Variants in PARD3B observed in about 807,000 individuals in gnomAD.
The protein encoded by PARD3B is partitioning defective 3 homolog B.
Under a neutral mutation model 130.2 loss-of-function variants are expected in PARD3B, and 103 were observed. The observed-to-expected ratio is 0.79, with a 90% CI of 0.67 to 0.93. The LOEUF (loss-of-function observed/expected upper bound fraction) is 0.93. Among genes scored for constraint, PARD3B ranks in the 40% least tolerant of loss-of-function variants. The probability of loss-of-function intolerance (pLI) is 0.00; values close to 1 mark genes in which losing one functional copy is unlikely to be tolerated. For missense variants in PARD3B, 1,609 were observed against 1,499.2 expected (o/e 1.07, Z -1.21); for synonymous variants, 583 against 553.2 (o/e 1.05, Z -0.76).
At chr2:204,728,369 T>C (rs556471682) in intron 2 of PARD3B, among the ~76,000 whole-genome samples, 1 of 152,186 alleles carries the variant, frequency 6.6e-6, no homozygotes, top group East Asian at 1.9e-4. Context: ...ATGGTGTGGA[T>C]CATGCTCAAT....
At chr2:204,868,368 G>C (rs1217092217) in intron 2 of PARD3B, among the ~76,000 whole-genome samples, 1 of 152,152 alleles carries the variant, frequency 6.6e-6, no homozygotes, top group African/African-American at 2.4e-5. Context: ...ATTAAGGACT[G>C]ATTCATAAAG....
chr2:204,729,517 G>T (rs759809670), intron 2 of PARD3B, among the ~76,000 whole-genome samples: 22 of 152,104 alleles, frequency 1.4e-4, no homozygotes, highest in Non-Finnish European at 2.4e-4. Context: ...GTGTTTTTCA[G>T]TATAATCTTG....
At chr2:204,984,848 G>A (rs1031928698) in intron 3 of PARD3B, among the ~76,000 whole-genome samples, 5 of 152,106 alleles carry the variant, frequency 3.3e-5, no homozygotes, top group Non-Finnish European at 7.3e-5. Context: ...CAGAAGGAAT[G>A]TGAAGCAGTC....
At chr2:205,028,763 A>G (rs561893348) in intron 3 of PARD3B, among the ~76,000 whole-genome samples, 6 of 152,314 alleles carry the variant, frequency 3.9e-5, no homozygotes, top group Admixed American at 2.0e-4. Context: ...GATCTTTTAC[A>G]TAGAAAACCC....
At position 205,301,362 on chromosome 2, in the gene PARD3B, G is replaced by A. The variant is rs2041990459; in HGVS notation, c.2393-102G>A. 2 of 1,517,278 alleles carry A rather than the reference G, an allele frequency of 1.3e-6. No individual in the cohort carries two copies. Among genetic ancestry groups the A allele is most frequent in the Non-Finnish European group, 1.8e-6 (2 of 1,136,064 alleles). The allele number at this position is 1,517,278 out of a possible 1,614,324, so 94.0% of individuals were successfully genotyped here. On this transcript the variant is annotated intron_variant, in intron 17 of 22. Transcript: ENST00000406610. The surrounding 1 kb of genome is among the most constrained non-coding windows in gnomAD (Gnocchi z 5.2). ...CCACATAGAAGGGTAGAACTACAGA[G>A]TGCTGTTATTCATTCTTTTGCATTT...
intron 2 of PARD3B, among the ~76,000 whole-genome samples, chr2:204,870,499 G>T (rs971744694): frequency 6.6e-6 from 1 of 152,094 alleles, no homozygotes; most frequent in Non-Finnish European, 1.5e-5. Context: ...GAAATAGGTG[G>T]TCATGTCTCT....
chr2:205,226,855 A>G (rs756300349), intron 15 of PARD3B, among the ~76,000 whole-genome samples: 2 of 152,122 alleles, frequency 1.3e-5, no homozygotes, highest in Non-Finnish European at 2.9e-5. Context: ...CTTTTGTGAT[A>G]TGACATAGAT....
intron 21 of PARD3B, among the ~76,000 whole-genome samples, chr2:205,546,930 A>G (rs1260762292): frequency 6.6e-6 from 1 of 152,212 alleles, no homozygotes; most frequent in Non-Finnish European, 1.5e-5. Flanking sequence ...AAACAGCTCT[A>G]TATGCCATTA....
chr2:205,577,253 G>C (rs1488440993), intron 22 of PARD3B, among the ~76,000 whole-genome samples: 1 of 151,122 alleles, frequency 6.6e-6, no homozygotes, highest in Non-Finnish European at 1.5e-5. Context: ...AATGAAGACA[G>C]TTTTTTTTTC....
chr2:205,605,781 A>G (rs1435402959), intron 22 of PARD3B, among the ~76,000 whole-genome samples: 3 of 151,808 alleles, frequency 2.0e-5, no homozygotes, highest in African/African-American at 7.3e-5. Context: ...TGGCGAAGGG[A>G]GTGTGCTGCA....
rs975828841 is a variant in PARD3B at position 205,592,242 on chromosome 2, A to G, written c.3261-23214A>G. 1.3e-5 allele frequency among the ~76,000 whole-genome samples: 2 copies of G among 152,208 alleles called. No individual in the cohort carries two copies. Among genetic ancestry groups the G allele is most frequent in the African/African-American group, 4.8e-5 (2 of 41,460 alleles). On this transcript the variant is annotated intron_variant, in intron 22 of 22. Coordinates refer to ENST00000406610, the MANE Select transcript of PARD3B (RefSeq NM_001302769.2). This position sits in a 1 kb window ranked among gnomAD's most constrained non-coding sequence, Gnocchi z 4.5. Reference sequence around the variant, plus strand: ...TCAGAGCCCAGTGCTCTTGTTTACTATAGTGGGCTGAGCGTAACATCAAGG... The same window carrying G: ...TCAGAGCCCAGTGCTCTTGTTTACTGTAGTGGGCTGAGCGTAACATCAAGG...
intron 1 of PARD3B, among the ~76,000 whole-genome samples, chr2:204,670,473 A>C (rs766835348): frequency 2.7e-4 from 41 of 152,260 alleles, no homozygotes; most frequent in Middle Eastern, 6.8e-3. Flanking sequence ...TCTAAACCCC[A>C]CAGGTTTTTT....
rs1365937415 is a variant in PARD3B, at chr2:205,276,895, G to A, written c.2186-23635G>A. Reference sequence around the variant, plus strand: ...CAGCTTATTTAGCTTTAAATGATGGGTAATAATAATATCCACCTCACAGGT... The same window carrying A: ...CAGCTTATTTAGCTTTAAATGATGGATAATAATAATATCCACCTCACAGGT... On this transcript the variant is annotated intron_variant, in intron 16 of 22. Coordinates refer to ENST00000406610, the MANE Select transcript of PARD3B (RefSeq NM_001302769.2). This position sits in a 1 kb window ranked among gnomAD's most constrained non-coding sequence, Gnocchi z 5.0. 6.6e-6 allele frequency among the ~76,000 whole-genome samples: 1 copy of A among 152,198 alleles called. No individual in the cohort carries two copies. The highest frequency in any genetic ancestry group is 1.5e-5 in the Non-Finnish European group (1 of 68,032).
intron 2 of PARD3B, among the ~76,000 whole-genome samples, chr2:204,721,804 A>T (rs2039009564): frequency 6.6e-6 from 1 of 152,008 alleles, no homozygotes; most frequent in South Asian, 2.1e-4. Context: ...TTTTTGGGTG[A>T]TACTTGTAGA....
intron 1 of PARD3B, among the ~76,000 whole-genome samples, chr2:204,648,762 TATC>T (rs1314027077): frequency 5.3e-5 from 1 of 18,726 alleles, no homozygotes; most frequent in East Asian, 1.4e-3. Context: ...TTATAATAGA[TATC>T]ATATAAATAA....
At position 205,449,417 on chromosome 2, in the gene PARD3B, GGC is replaced by G. The variant is rs1434031553; in HGVS notation, c.3044+8746_3044+8747del. On this transcript the variant is annotated intron_variant, in intron 20 of 22. Transcript: ENST00000406610. ...GCTAATTTTTTGTATTTTTAGTAGA[GGC>G]AGGGTTTCATCGTGTTGGCCAGGCT... Among the ~76,000 whole-genome samples, 1,440 of 151,936 alleles carry G rather than the reference GGC, an allele frequency of 9.5e-3. 18 individuals are homozygous for G. Among genetic ancestry groups the G allele is most frequent in the African/African-American group, 0.032 (1,328 of 41,482 alleles).
chr2:204,799,941 CA>C lies in PARD3B; in HGVS notation c.222+113661del, dbSNP rs2042506681. Among the ~76,000 whole-genome samples, 1 of 152,166 alleles carries C rather than the reference CA, an allele frequency of 6.6e-6. No individual in the cohort carries two copies. The highest frequency in any genetic ancestry group is 2.1e-4 in the South Asian group (1 of 4,824). ...AAACAAGCCAAGACTGTGAAGGCTA[CA>C]ATAAATACCTAACTCTACAATGCCC... is the stretch of plus-strand genomic sequence containing the variant. On this transcript the variant is annotated intron_variant, in intron 2 of 22. Coordinates refer to ENST00000406610, the MANE Select transcript of PARD3B (RefSeq NM_001302769.2). The surrounding 1 kb of genome is among the most constrained non-coding windows in gnomAD (Gnocchi z 4.1).
chr2:205,162,424 A>G (rs959191639), intron 11 of PARD3B, among the ~76,000 whole-genome samples: 20 of 152,248 alleles, frequency 1.3e-4, no homozygotes, highest in African/African-American at 4.8e-4. Flanking sequence ...GCCATTGACC[A>G]TAACAGCGGA....
At chr2:204,620,735 A>G (rs150894972) in intron 1 of PARD3B, among the ~76,000 whole-genome samples, 4 of 152,254 alleles carry the variant, frequency 2.6e-5, no homozygotes, top group African/African-American at 9.6e-5. Context: ...CTGTGTAGGC[A>G]AGTTGGAGCC....
Sources: gnomAD v4.1 joint callset for allele counts (sites outside exome capture counted in the v4.1 genomes callset) on GRCh38, gnomAD v4.1.1 for gene constraint, Gnocchi (gnomAD v3.1) non-coding constraint, MANE v1.5 for transcripts, NCBI Gene and HGNC (gene_info 2026-07-23, HGNC 2026-07-21) for gene names.